The following TPTE2 variants were observed in gnomAD, a reference collection of about 807,000 sequenced individuals.
TPTE2 encodes transmembrane phosphoinositide 3-phosphatase and tensin homolog 2, also known as phosphatidylinositol 3,4,5-trisphosphate 3-phosphatase TPTE2.
A neutral mutation model predicts 78.6 loss-of-function variants in TPTE2; 53 were observed. That is an observed-to-expected ratio of 0.67 (90% confidence interval 0.54 to 0.85). The LOEUF (loss-of-function observed/expected upper bound fraction) is 0.85, where lower values mean the gene tolerates loss of function less well. TPTE2 is among the 40% of genes least tolerant of loss of function. The probability of loss-of-function intolerance (pLI) is 0.00; values close to 1 mark genes in which losing one functional copy is unlikely to be tolerated. For missense variants in TPTE2, 461 were observed against 623.0 expected, an observed-to-expected ratio of 0.74 and a Z score of 2.77; for synonymous variants, 175 against 206.2, an observed-to-expected ratio of 0.85 and a Z score of 1.30.
chr13:19,506,719 G>T (rs537953536), upstream of TPTE2, among the ~76,000 whole-genome samples: 3 of 152,142 alleles, frequency 2.0e-5, no homozygotes, highest in East Asian at 1.9e-4. Flanking sequence ...CTTCCTTATA[G>T]CCTTCATAAA....
intron 17 of TPTE2, among the ~76,000 whole-genome samples, chr13:19,429,452 T>C (rs936317328): frequency 6.6e-6 from 1 of 152,192 alleles, no homozygotes; most frequent in Non-Finnish European, 1.5e-5. Context: ...GAGAGAAAGC[T>C]CCTTGATAAC....
the TPTE2 span, among the ~76,000 whole-genome samples, chr13:19,554,247 C>T: frequency 3.3e-5 from 5 of 151,842 alleles, no homozygotes; most frequent in Admixed American, 2.6e-4. Context: ...TGGTGGCAGG[C>T]GCCTGTAGTC....
chr13:19,440,805 G>A (rs1322588483), intron 13 of TPTE2, among the ~76,000 whole-genome samples: 2 of 151,826 alleles, frequency 1.3e-5, no homozygotes, highest in Non-Finnish European at 2.9e-5. Context: ...ACAAAAAACA[G>A]GCTGGGCACG....
chr13:19,505,122 G>A (rs1327101301), upstream of TPTE2, among the ~76,000 whole-genome samples: 3 of 152,028 alleles, frequency 2.0e-5, no homozygotes, highest in Non-Finnish European at 4.4e-5. Context: ...AAATATTCAT[G>A]TGTATATCAC....
intron 1 of TPTE2, among the ~76,000 whole-genome samples, chr13:19,533,721 T>C (rs913439238): frequency 5.8e-4 from 88 of 152,352 alleles, no homozygotes; most frequent in African/African-American, 1.9e-3. Context: ...TAGATTGTTA[T>C]GTTGTCATGG....
intron 3 of TPTE2, among the ~76,000 whole-genome samples, chr13:19,483,318 T>G (rs1377421092): frequency 3.3e-5 from 5 of 152,254 alleles, no homozygotes; most frequent in Non-Finnish European, 7.3e-5. Context: ...TTTTTATTAC[T>G]GATTCAATCT....
intron 13 of TPTE2, among the ~76,000 whole-genome samples, chr13:19,449,223 G>C (rs1878027142): frequency 1.3e-5 from 2 of 152,102 alleles, no homozygotes; most frequent in Admixed American, 1.3e-4. Context: ...GCTCAGGCTG[G>C]AGTACAATGG....
At chr13:19,437,185 C>T (rs1417358219) in intron 14 of TPTE2, among the ~76,000 whole-genome samples, 4 of 152,174 alleles carry the variant, frequency 2.6e-5, no homozygotes, top group Admixed American at 2.6e-4. Context: ...TCATGATCCA[C>T]AGCTTGAAAA....
intron 3 of TPTE2, among the ~76,000 whole-genome samples, chr13:19,484,096 T>TGAAGCTA (rs1880518867): frequency 6.6e-6 from 1 of 152,172 alleles, no homozygotes; most frequent in African/African-American, 2.4e-5. Flanking sequence ...GGGACATGGA[T>TGAAGCTA]GAAGCTAAAA....
chr13:19,537,338 A>C (rs1871269598), upstream of TPTE2, among the ~76,000 whole-genome samples: 1 of 150,018 alleles, frequency 6.7e-6, no homozygotes, highest in Non-Finnish European at 1.5e-5. Flanking sequence ...GGTTCAAGCT[A>C]TTCTCCTGCC....
At chr13:19,478,803 A>G (rs9508145) in intron 4 of TPTE2, among the ~76,000 whole-genome samples, 141,274 of 151,782 alleles carry the variant, frequency 0.93, 66,073 homozygotes, top group East Asian at 1. Context: ...AATGTGGCAC[A>G]TATACACCAT....
At chr13:19,544,703 C>T in the TPTE2 span, among the ~76,000 whole-genome samples, 1 of 152,098 alleles carries the variant, frequency 6.6e-6, no homozygotes, top group Admixed American at 6.5e-5. Context: ...CAAGACTAGC[C>T]TGGGCAACCT....
the TPTE2 span, among the ~76,000 whole-genome samples, chr13:19,557,666 C>T: frequency 1.3e-5 from 2 of 152,106 alleles, no homozygotes; most frequent in Non-Finnish European, 1.5e-5. Context: ...ATGTTACAGT[C>T]CCAAGTTTTC....
At chr13:19,472,311 A>G (rs1879669566) in intron 6 of TPTE2, among the ~76,000 whole-genome samples, 1 of 152,148 alleles carries the variant, frequency 6.6e-6, no homozygotes, top group Admixed American at 6.6e-5. Flanking sequence ...TGTCCTTTTG[A>G]GGCTATTTTC....
At position 19,498,927 on chromosome 13, in the gene TPTE2, AG is replaced by A. The variant is rs1335363406; in HGVS notation, c.11+4296del. ...CCATCTCACATGCAGAGACACACAT[AG>A]GCTCAAAATAAAAGGATGGAGGAAG... is the stretch of plus-strand genomic sequence containing the variant. On this transcript the variant is annotated intron_variant, in intron 1 of 19. Transcript: ENST00000400230. 3.3e-5 allele frequency among the ~76,000 whole-genome samples: 5 copies of A among 152,184 alleles called. No individual in the cohort carries two copies. In the East Asian group the frequency reaches 9.6e-4, roughly 29 times the overall value.
At chr13:19,533,174 T>C (rs932358731) in intron 1 of TPTE2, among the ~76,000 whole-genome samples, 1 of 152,212 alleles carries the variant, frequency 6.6e-6, no homozygotes, top group African/African-American at 2.4e-5. Context: ...CAAAAAGATA[T>C]TATAGCATAC....
intron 6 of TPTE2, among the ~76,000 whole-genome samples, chr13:19,471,003 G>A (rs1195606899): frequency 3.1e-4 from 47 of 149,868 alleles, no homozygotes; most frequent in African/African-American, 1.1e-3. Context: ...TCTGCCTCCC[G>A]GGTTCAAGTG....
chr13:19,523,609 G>C (rs1298617512), intron 1 of TPTE2, among the ~76,000 whole-genome samples: 1 of 152,036 alleles, frequency 6.6e-6, no homozygotes, highest in Non-Finnish European at 1.5e-5. Flanking sequence ...CCTAGTAGCT[G>C]GGATTACAGG....
At chr13:19,422,993 C>A (rs562617281) in exon 20 of TPTE2, 2 of 1,581,890 alleles carry the variant, frequency 1.3e-6, no homozygotes, top group East Asian at 4.5e-5. Flanking sequence ...TTGGAAAGAA[C>A]ATAATTCTTT....
Sources: allele counts gnomAD v4.1 joint callset (sites outside exome capture counted in the v4.1 genomes callset), GRCh38; gene constraint gnomAD v4.1.1; transcripts MANE v1.5; gene names NCBI Gene and HGNC (gene_info 2026-07-23, HGNC 2026-07-21).